Variants in CACNA1H observed in about 807,000 individuals in gnomAD.
CACNA1H encodes calcium voltage-gated channel subunit alpha1 H.
Under a neutral mutation model 192.5 loss-of-function variants are expected in CACNA1H, and 149 were observed. The observed-to-expected ratio is 0.77, with a 90% CI of 0.68 to 0.89. The LOEUF is 0.89. Ranked by LOEUF, CACNA1H falls within the 40% of genes least tolerant of loss-of-function variation. The pLI is 0.00. For synonymous variants in CACNA1H, 2,202 were observed against 1,475.2 expected (o/e 1.49, Z -11.29); for missense variants, 4,257 against 3,423.5 (o/e 1.24, Z -6.08).
rs369851018 is a variant in CACNA1H, at chr16:1,212,478, C to G, written c.4760-33C>G. On this transcript the variant is annotated intron_variant, in intron 25 of 34. Transcript: ENST00000348261. ...GCTCCAGGCCCGAGTGCGCCACGCCCTCGGCCCTCAGACCATCTCCTTGTC... is the reference window on the plus strand; with the variant it reads ...GCTCCAGGCCCGAGTGCGCCACGCCGTCGGCCCTCAGACCATCTCCTTGTC... 34 of 1,605,620 alleles carry G rather than the reference C, an allele frequency of 2.1e-5. No individual in the cohort carries two copies. In the African/African-American group the frequency reaches 4.4e-4, roughly 21 times the overall value.
intron 10 of CACNA1H, among the ~76,000 whole-genome samples, 155 bp downstream of exon 10, chr16:1,204,613 G>A (rs1482784989): frequency 3.3e-5 from 5 of 152,218 alleles, no homozygotes; most frequent in Non-Finnish European, 7.3e-5. Context: ...AGGAGACCAG[G>A]TGTGCCGAGC....
Position 1,195,087 on chromosome 16 carries a change from A to T in CACNA1H, c.411+4A>T. 2 of 1,129,716 alleles carry T rather than the reference A, an allele frequency of 1.8e-6. No homozygotes were observed. The highest frequency in any genetic ancestry group is 2.2e-6 in the Non-Finnish European group (2 of 895,798). The allele number at this position is 1,129,716 out of a possible 1,614,324, so 70.0% of individuals were successfully genotyped here. On this transcript the variant is annotated splice_donor_region_variant and intron_variant, in intron 3 of 34. Transcript: ENST00000348261. ...CGAGCGCTGCAACATCCTGGAGGTG[A>T]GGGGCGTGGGTCGGGGTGGGGAAGG...
rs771932368 is a variant in CACNA1H at position 1,215,062 on chromosome 16, C to T, written c.5020C>T (p.Arg1674Cys). The T allele has an allele frequency of 1.4e-5, 23 of 1,612,306 alleles. No homozygotes were observed. The highest frequency in any genetic ancestry group is 4.0e-5 in the African/African-American group (3 of 74,860). Residue 1674 changes from arginine to cysteine, a missense_variant, in exon 28 of 35, where the codon CGT (arginine) becomes TGT (cysteine). Transcript: ENST00000348261. Reference sequence around the variant, plus strand: ...ACTGAAGCTGGTAGCATTTGGGTTCCGTCGGTTCTTCAAGGACAGGTGTGT... The same window carrying T: ...ACTGAAGCTGGTAGCATTTGGGTTCTGTCGGTTCTTCAAGGACAGGTGTGT... ...AALKLVAFGF[R>C]RFFKDRWNQL...
chr16:1,209,204 C>T lies in CACNA1H; in HGVS notation c.3536C>T (p.Ala1179Val), dbSNP rs1326666160. ...GGCAAGGGCAGCACCGACGACGAAG[C>T]TGAGGACGGCAGGGCCGCGCCCGGG... ...GEGKGSTDDE[A>V]EDGRAAPGPR... Residue 1179 changes from alanine (A) to valine (V), a missense_variant, in exon 17 of 35, where the codon GCT becomes GTT. By Grantham distance (64) the Ala-to-Val change is moderately conservative (BLOSUM62 0). Coordinates refer to ENST00000348261, the MANE Select transcript of CACNA1H (RefSeq NM_021098.3). 1.0e-5 allele frequency: 16 copies of T among 1,550,974 alleles called. No individual in the cohort carries two copies. The highest frequency in any genetic ancestry group is 1.4e-5 in the Non-Finnish European group (16 of 1,148,770).
Position 1,205,192 on chromosome 16 carries a change from C to G in CACNA1H, c.2530C>G (p.Leu844Val), listed in dbSNP as rs755712053. Reference sequence around the variant, plus strand: ...GTTTGCCCTGGAGATGCTGCTGAAGCTGCTGGCCTGCGGCCCTCTGGGCTA... The same window carrying G: ...GTTTGCCCTGGAGATGCTGCTGAAGGTGCTGGCCTGCGGCCCTCTGGGCTA... ...SMFALEMLLK[L>V]LACGPLGYIR... The change falls in exon 11 of 35, where the codon CTG becomes GTG. Residue 844 changes from leucine (L) to valine (V), a missense_variant. By Grantham distance (32) the Leu-to-Val change is conservative. Coordinates refer to ENST00000348261, the MANE Select transcript of CACNA1H (RefSeq NM_021098.3). 1.9e-6 allele frequency: 3 copies of G among 1,613,108 alleles called. No homozygotes were observed. In the East Asian group the frequency reaches 6.7e-5, roughly 36 times the overall value.
chr16:1,156,451 C>T lies in CACNA1H; in HGVS notation c.299+2415C>T, dbSNP rs538483014. Reference sequence around the variant, plus strand: ...GGACAGGTGGGGGGATTGGCTGAGCCGGGGAAGCCCATGTGGGCCATGGCT... The same window carrying T: ...GGACAGGTGGGGGGATTGGCTGAGCTGGGGAAGCCCATGTGGGCCATGGCT... On this transcript the variant is annotated intron_variant, in intron 2 of 34. Coordinates refer to ENST00000348261, the MANE Select transcript of CACNA1H (RefSeq NM_021098.3). Among the ~76,000 whole-genome samples the T allele has an allele frequency of 6.6e-5, 10 of 152,236 alleles. No individual in the cohort carries two copies. In the East Asian group the frequency reaches 1.7e-3, roughly 26 times the overall value.
Position 1,182,357 on chromosome 16 carries a change from G to A in CACNA1H, c.300-12615G>A, listed in dbSNP as rs537892477. On this transcript the variant is annotated intron_variant, in intron 2 of 34. Coordinates refer to ENST00000348261, the MANE Select transcript of CACNA1H (RefSeq NM_021098.3). ...AGATGGAATGTTCCGGCAGCCGGGA[G>A]TGAGCCGTCCACTCATGCATCAGTG... Among the ~76,000 whole-genome samples the A allele has an allele frequency of 5.4e-3, 817 of 152,274 alleles. 7 individuals carry two copies. Among genetic ancestry groups the A allele is most frequent in the African/African-American group, 0.017 (719 of 41,558 alleles).
chr16:1,160,900 G>A (rs557884521), intron 2 of CACNA1H, among the ~76,000 whole-genome samples: 279 of 152,236 alleles, frequency 1.8e-3, no homozygotes, highest in African/African-American at 6.0e-3. Flanking sequence ...GTGCGCGGCC[G>A]GCGAGGACCG....
chr16:1,204,084 C>A lies in CACNA1H; in HGVS notation c.2077C>A (p.Leu693Met), dbSNP rs747000483. 2 of 1,608,408 alleles carry A rather than the reference C, an allele frequency of 1.2e-6. No homozygotes were observed. The highest frequency in any genetic ancestry group is 1.7e-5 in the Admixed American group (1 of 59,650). ...CCTGCCCAGCCCCCCAGCGGGCACA[C>A]TGACCTGTGAGCTGAAGAGCTGCCC... ...CPLPSPPAGT[L>M]TCELKSCPYC... Residue 693 changes from leucine (L) to methionine (M), a missense_variant, in exon 10 of 35, where the codon CTG becomes ATG. By Grantham distance (15) the Leu-to-Met change is conservative. Transcript: ENST00000348261.
chr16:1,179,578 G>A (rs1040364242), intron 2 of CACNA1H, among the ~76,000 whole-genome samples: 11 of 151,938 alleles, frequency 7.2e-5, no homozygotes, highest in African/African-American at 1.2e-4. Flanking sequence ...ACAGGCGCCC[G>A]CCACCATGCC....
Position 1,211,987 on chromosome 16 carries a change from C to G in CACNA1H, c.4608C>G (p.Ile1536Met), listed in dbSNP as rs777641943. The G allele has an allele frequency of 8.7e-6, 14 of 1,613,444 alleles. No individual in the cohort carries two copies. The highest frequency in any genetic ancestry group is 1.2e-5 in the Non-Finnish European group (14 of 1,179,692). The change falls in exon 25 of 35, where the codon ATC (isoleucine) becomes ATG (methionine). Residue 1536 changes from isoleucine (I) to methionine (M), a missense_variant. Ile to Met is a conservative substitution (Grantham distance 10). Coordinates refer to ENST00000348261, the MANE Select transcript of CACNA1H (RefSeq NM_021098.3). ...ACCCCTGGATGCTGCTGTACTTCAT[C>G]TCCTTCCTGCTCATCGTCAGCTTCT... ...NHNPWMLLYFISFLLIVSFFV... is the reference protein window; with the variant it reads ...NHNPWMLLYFMSFLLIVSFFV...
intron 2 of CACNA1H, among the ~76,000 whole-genome samples, chr16:1,166,372 C>A (rs946815739): frequency 2.0e-5 from 3 of 152,238 alleles, no homozygotes; most frequent in African/African-American, 7.2e-5. Context: ...CGGCCCCTGC[C>A]TTCCTCTCAG....
At chr16:1,154,334 G>A (rs1045040818) in intron 2 of CACNA1H, among the ~76,000 whole-genome samples, 1 of 152,184 alleles carries the variant, frequency 6.6e-6, no homozygotes, top group Non-Finnish European at 1.5e-5. Flanking sequence ...AGGAGTCGGG[G>A]AGGGAGGGAA....
In CACNA1H at chr16:1,205,133, C is replaced by G; in HGVS notation, c.2471C>G (p.Ala824Gly). The G allele has an allele frequency of 1.9e-6, 3 of 1,612,460 alleles. No homozygotes were observed. Among genetic ancestry groups the G allele is most frequent in the Non-Finnish European group, 2.5e-6 (3 of 1,179,758 alleles). The change falls in exon 11 of 35, where the codon GCT becomes GGT. Residue 824 changes from alanine (A) to glycine (G), a missense_variant. Ala to Gly is a moderately conservative substitution (Grantham distance 60, BLOSUM62 0). Coordinates refer to ENST00000348261, the MANE Select transcript of CACNA1H (RefSeq NM_021098.3). ...CTGCAGCCCGAGGAGCTGACTAATG[C>G]TCTGGAGATCAGCAACATCGTGTTC... Reference protein sequence around the residue: ...YHEQPEELTNALEISNIVFTS... With the variant: ...YHEQPEELTNGLEISNIVFTS...
At position 1,207,169 on chromosome 16, in the gene CACNA1H, G is replaced by A. The variant is rs548198705; in HGVS notation, c.2907+51G>A. The A allele has an allele frequency of 8.6e-5, 133 of 1,550,816 alleles. 1 individual carries two copies. The South Asian group carries it at 1.5e-3, about 17-fold the overall frequency. ...TGTTGGGTGCTGAGTGTGGTCCCCA[G>A]AGAGGTGGAGGTGCCGTCCTGCGCA... On this transcript the variant is annotated intron_variant, in intron 13 of 34. Transcript: ENST00000348261.
At chr16:1,213,672 C>T in intron 26 of CACNA1H, 108 bp from the exon 27 acceptor site, 1 of 792,768 alleles carries the variant, frequency 1.3e-6, no homozygotes, top group Non-Finnish European at 1.9e-6. Flanking sequence ...GCCGTGGGCC[C>T]CCAACTTCTA....
At chr16:1,217,688 G>C (rs1011180327) in intron 31 of CACNA1H, among the ~76,000 whole-genome samples, 1 of 152,218 alleles carries the variant, frequency 6.6e-6, no homozygotes. Flanking sequence ...CAGCCGCCAG[G>C]CCTGATGAGC....
At position 1,210,048 on chromosome 16, in the gene CACNA1H, G is replaced by C. The variant is rs534632699; in HGVS notation, c.3758G>C (p.Arg1253Pro). The C allele has an allele frequency of 6.4e-7, 1 of 1,551,266 alleles. No homozygotes were observed. Among genetic ancestry groups the C allele is most frequent in the African/African-American group, 1.4e-5 (1 of 73,198 alleles). ...DDDSEDSCCL[R>P]LHKVLEPYKP... ...CTCATCCCACAGAGCTGCTGCCTCC[G>C]CCTGCATAAAGTGCTGGAGCCCTAC... The change falls in exon 18 of 35, where the codon CGC becomes CCC. Residue 1253 changes from arginine (R) to proline (P), a missense_variant. Coordinates refer to ENST00000348261, the MANE Select transcript of CACNA1H (RefSeq NM_021098.3).
At chr16:1,206,420 G>A (rs1452036894) in intron 12 of CACNA1H, 131 bp downstream of exon 12, 5 of 772,274 alleles carry the variant, frequency 6.5e-6, no homozygotes, top group Non-Finnish European at 1.0e-5. Flanking sequence ...CAGACACTCG[G>A]CCTCTGCTGC....
Sources: gnomAD v4.1 joint callset for allele counts (sites outside exome capture counted in the v4.1 genomes callset) on GRCh38, gnomAD v4.1.1 for gene constraint, MANE v1.5 for transcripts, NCBI Gene and HGNC (gene_info 2026-07-23, HGNC 2026-07-21) for gene names.